The following BRF1 variants were observed in gnomAD, a reference collection of about 807,000 sequenced individuals.
BRF1 encodes the protein BRF1 general transcription factor IIIB subunit.
BRF1 carries 59 observed loss-of-function variants against 81.7 expected under a neutral mutation model. The ratio of observed to expected loss-of-function variants is 0.72; its 90% CI spans 0.59 to 0.90. The LOEUF is 0.90. Ranked by LOEUF, BRF1 falls within the 40% of genes least tolerant of loss-of-function variation. The probability of loss-of-function intolerance (pLI) is 0.00; values close to 1 mark genes in which losing one functional copy is unlikely to be tolerated. For synonymous variants in BRF1, 491 were observed against 395.6 expected (o/e 1.24, Z -2.86); for missense variants, 1,050 against 936.3 (o/e 1.12, Z -1.58).
intron 2 of BRF1, among the ~76,000 whole-genome samples, chr14:105,282,703 C>T (rs587679885): frequency 2.0e-5 from 3 of 152,258 alleles, no homozygotes; most frequent in South Asian, 4.1e-4. Flanking sequence ...GAGGCCAAGG[C>T]GGGTGGATCA....
chr14:105,268,821 G>C (rs2056538903), intron 3 of BRF1, among the ~76,000 whole-genome samples: 1 of 152,222 alleles, frequency 6.6e-6, no homozygotes, highest in South Asian at 2.1e-4. Flanking sequence ...CCTGGCTAAA[G>C]GTGGCGAGTC....
chr14:105,295,479 G>A (rs10139889), intron 1 of BRF1, among the ~76,000 whole-genome samples: 2,361 of 151,812 alleles, frequency 0.016, 19 homozygotes, highest in Middle Eastern at 0.031. Flanking sequence ...ATAGTAGGGC[G>A]CACCTGTAGT....
At chr14:105,249,686 G>A in intron 5 of BRF1, 1 of 1,613,610 alleles carries the variant, frequency 6.2e-7, no homozygotes, top group Non-Finnish European at 8.5e-7. Context: ...CACGGTGCTG[G>A]CCACTCTGTA....
chr14:105,241,148 G>A lies in BRF1; in HGVS notation c.694+117C>T, dbSNP rs993990219. 147 of 1,486,874 alleles carry A rather than the reference G, an allele frequency of 9.9e-5. 3 individuals carry two copies. The Admixed American group carries it at 2.9e-3, about 29-fold the overall frequency. The allele number at this position is 1,486,874 out of a possible 1,614,324, so 92.1% of individuals were successfully genotyped here. On this transcript the variant is annotated intron_variant, in intron 6 of 17. Transcript: ENST00000547530. ...GGCCAGAGTCAGCCCCGGGAGGCTGGAGGCAGCTCTCAGTGCTCTGCAAAC... is the reference window on the plus strand; with the variant it reads ...GGCCAGAGTCAGCCCCGGGAGGCTGAAGGCAGCTCTCAGTGCTCTGCAAAC...
In BRF1 at chr14:105,219,990, C is replaced by T. The variant is rs587742201; in HGVS notation, c.1377+79G>A. 24 of 1,555,694 alleles carry T rather than the reference C, an allele frequency of 1.5e-5. 1 individual carries two copies. The highest frequency in any genetic ancestry group is 1.5e-4 in the South Asian group (13 of 89,454). On this transcript the variant is annotated intron_variant, in intron 12 of 17. Coordinates refer to ENST00000547530, the MANE Select transcript of BRF1 (RefSeq NM_001519.4). ...TCTGGGCAGGGGAGGTGGCCAACCC[C>T]GCCCGACCACTCAGGGCTCCTTGGG...
chr14:105,268,418 G>C (rs1175815934), intron 3 of BRF1, among the ~76,000 whole-genome samples: 2 of 152,244 alleles, frequency 1.3e-5, no homozygotes, highest in African/African-American at 4.8e-5. Flanking sequence ...GGACTCAGCA[G>C]CACCCCGTTC....
chr14:105,220,645 C>A (rs587615951), intron 11 of BRF1, among the ~76,000 whole-genome samples: 1 of 152,338 alleles, frequency 6.6e-6, no homozygotes, highest in Non-Finnish European at 1.5e-5. Context: ...CTGCCTGTCA[C>A]CCCTGCCCAG....
rs1250473840 is a variant in BRF1 at position 105,241,245 on chromosome 14, G to T, written c.694+20C>A. ...CAGGACCCAGACCAGCATCCCCCAGGCAGGCAGGGCCCGCTGTACCTGCTC... is the reference window on the plus strand; with the variant it reads ...CAGGACCCAGACCAGCATCCCCCAGTCAGGCAGGGCCCGCTGTACCTGCTC... On this transcript the variant is annotated intron_variant, in intron 6 of 17. Coordinates refer to ENST00000547530, the MANE Select transcript of BRF1 (RefSeq NM_001519.4). 1 of 1,607,774 alleles carries T rather than the reference G, an allele frequency of 6.2e-7. No homozygotes were observed. The highest frequency in any genetic ancestry group is 1.7e-5 in the Admixed American group (1 of 59,932).
At chr14:105,247,964 G>A (rs2055238162) in intron 5 of BRF1, 1 of 985,530 alleles carries the variant, frequency 1.0e-6, no homozygotes, top group Non-Finnish European at 1.2e-6. Flanking sequence ...TCCACAGGCA[G>A]AGCCACAGAG....
At chr14:105,261,570 T>C (rs985465068) in intron 3 of BRF1, among the ~76,000 whole-genome samples, 1 of 152,132 alleles carries the variant, frequency 6.6e-6, no homozygotes, top group Admixed American at 6.5e-5. Flanking sequence ...TTTCCTTACA[T>C]GGAAAAGTTT....
chr14:105,212,019 G>A (rs1890197657), intron 16 of BRF1, 94 bp downstream of exon 16: 2 of 1,536,986 alleles, frequency 1.3e-6, no homozygotes, highest in Non-Finnish European at 1.8e-6. Context: ...TGTCAGGCCT[G>A]CTCTCCCTGT....
intron 6 of BRF1, among the ~76,000 whole-genome samples, chr14:105,229,404 A>G (rs11844498): frequency 0.16 from 24,053 of 152,244 alleles, 6,353 homozygotes; most frequent in African/African-American, 0.55. Context: ...TGAATCCTGC[A>G]GCGCAGGGAT....
intron 11 of BRF1, among the ~76,000 whole-genome samples, chr14:105,220,862 T>C (rs11621385): frequency 0.4 from 61,246 of 152,130 alleles, 16,150 homozygotes; most frequent in African/African-American, 0.75. Context: ...CTTCCTCAGC[T>C]CCAGCCAGAA....
At chr14:105,285,779 C>T (rs182752448) in intron 2 of BRF1, among the ~76,000 whole-genome samples, 35 of 151,828 alleles carry the variant, frequency 2.3e-4, no homozygotes, top group Admixed American at 9.2e-4. Context: ...ATCACACATC[C>T]GATAAAAGAC....
At chr14:105,252,711 G>A (rs768260731) in intron 4 of BRF1, 132 bp from the exon 5 acceptor site, 378 of 952,990 alleles carry the variant, frequency 4.0e-4, no homozygotes, top group Non-Finnish European at 5.3e-4. Flanking sequence ...CCCCACACCC[G>A]CAAGCCTGGC....
rs200622361 is a variant in BRF1, at chr14:105,228,863, C to T, written c.745G>A (p.Val249Ile). The change falls in exon 7 of 18, where the codon GTC becomes ATC. Residue 249 changes from valine (V) to isoleucine (I), a missense_variant. Transcript: ENST00000547530. ...MHDFRRTVKEVISVVKVCEST... is the reference protein window; with the variant it reads ...MHDFRRTVKEIISVVKVCEST... ...TCACACACTTTGACCACACTGATGA[C>T]CTCCTTCACAGTCCTCCTGAAGTCA... is the stretch of plus-strand genomic sequence containing the variant. The T allele has an allele frequency of 1.2e-4, 192 of 1,613,898 alleles. 1 individual carries two copies. The East Asian group carries it at 4.0e-3, about 34-fold the overall frequency.
intron 1 of BRF1, among the ~76,000 whole-genome samples, chr14:105,307,921 G>A (rs1248983416): frequency 1.3e-5 from 2 of 152,062 alleles, no homozygotes; most frequent in Admixed American, 6.6e-5. Context: ...AGTGGCTCAC[G>A]CCTGTCATCC....
intron 17 of BRF1, 33 bp downstream of exon 17, chr14:105,211,089 T>C: frequency 6.2e-7 from 1 of 1,609,732 alleles, no homozygotes; most frequent in South Asian, 1.1e-5. Context: ...TTTATTTCCC[T>C]TGAACCCCTC....
rs587606802 is a variant in BRF1 at position 105,309,666 on chromosome 14, G to A, written c.-162+5656C>T. Among the ~76,000 whole-genome samples, 20 of 152,218 alleles carry A rather than the reference G, an allele frequency of 1.3e-4. No individual in the cohort carries two copies. The highest frequency in any genetic ancestry group is 1.2e-3 in the Admixed American group (19 of 15,300). On this transcript the variant is annotated intron_variant, in intron 1 of 17. Coordinates refer to the BRF1 transcript ENST00000327359. This position sits in a 1 kb window ranked among gnomAD's most constrained non-coding sequence, Gnocchi z 4.0. ...TGTGTGAGGGAGCTGCGCTGCCTGCGCCCAACCCAGGAGGGGAGCAGCGTG... is the reference window on the plus strand; with the variant it reads ...TGTGTGAGGGAGCTGCGCTGCCTGCACCCAACCCAGGAGGGGAGCAGCGTG...
Sources: gnomAD v4.1 joint callset for allele counts (sites outside exome capture counted in the v4.1 genomes callset) on GRCh38, gnomAD v4.1.1 for gene constraint, Gnocchi (gnomAD v3.1) non-coding constraint, MANE v1.5 for transcripts, NCBI Gene and HGNC (gene_info 2026-07-23, HGNC 2026-07-21) for gene names.